The following RAD9A variants were observed in gnomAD, a reference collection of about 807,000 sequenced individuals.
RAD9A encodes the protein RAD9 checkpoint clamp component A.
RAD9A carries 25 observed loss-of-function variants against 41.2 expected under a neutral mutation model. The observed-to-expected ratio is 0.61, with a 90% CI of 0.44 to 0.85. The LOEUF is 0.85. RAD9A is among the 40% of genes least tolerant of loss of function. The pLI, the probability that RAD9A is intolerant of heterozygous loss-of-function variation, is 0.00. For missense variants in RAD9A, 514 were observed against 518.3 expected (o/e 0.99, Z 0.08); for synonymous variants, 252 against 210.6 (o/e 1.20, Z -1.70).
rs772237728 is a variant in RAD9A, at chr11:67,395,952, AGAG to A, written c.606_608del (p.Glu202del). The A allele has an allele frequency of 1.5e-5, 25 of 1,613,970 alleles. No homozygotes were observed. Among genetic ancestry groups the A allele is most frequent in the Non-Finnish European group, 1.9e-5 (23 of 1,180,018 alleles). On this transcript the variant is annotated inframe_deletion, in exon 7 of 11. Transcript: ENST00000307980. ...CCATGGTGACTGAGATGTGCCTTGG[AGAG>A]GAGGATTTCCAGCAGCTGCAGGCCC...
chr11:67,395,405 T>C, intron 5 of RAD9A: 1 of 367,354 alleles, frequency 2.7e-6, no homozygotes. Flanking sequence ...ATTTCATCTG[T>C]ATGTCAATGG....
In RAD9A at chr11:67,398,395, AAAG is replaced by A. The variant is rs560664551; in HGVS notation, c.*839_*841del. The A allele has an allele frequency of 2.5e-4, 220 of 867,422 alleles. No individual in the cohort carries two copies. The African/African-American group carries it at 3.5e-3, about 14-fold the overall frequency. 53.7% of individuals were successfully genotyped at this position (867,422 alleles called of 1,614,324 possible). A position where few individuals can be genotyped will look rare whatever the true frequency, so the allele number is the denominator to read the frequency against. ...GGACGCTGCTATTGATTCATTAAAA[AAAG>A]AAAAGAAAAATACACCAAGGCTCCA... On this transcript the variant is annotated 3_prime_UTR_variant, in exon 11 of 11. Coordinates refer to ENST00000307980, the MANE Select transcript of RAD9A (RefSeq NM_004584.3).
rs1249480860 is a variant in RAD9A, at chr11:67,395,697, T to C, written c.450-19T>C. 7.0e-6 allele frequency: 11 copies of C among 1,564,130 alleles called. No individual in the cohort carries two copies. The highest frequency in any genetic ancestry group is 8.7e-6 in the Non-Finnish European group (10 of 1,150,110). On this transcript the variant is annotated intron_variant, in intron 5 of 10. Coordinates refer to ENST00000307980, the MANE Select transcript of RAD9A (RefSeq NM_004584.3). ...GGGCAGGGCCAGGCATTTCGGGTAA[T>C]GCTCCACCCTGTTCACAGGGTTCTG...
At chr11:67,392,297 C>T (rs1862550396) in intron 2 of RAD9A, 66 bp downstream of exon 2, 5 of 1,331,896 alleles carry the variant, frequency 3.8e-6, no homozygotes, top group South Asian at 2.8e-5. Context: ...GGACTAGAGT[C>T]TCGCCCCCAC....
chr11:67,392,138 C>T (rs775544007), intron 1 of RAD9A, 23 bp from the exon 2 acceptor site: 5 of 1,611,192 alleles, frequency 3.1e-6, no homozygotes, highest in Non-Finnish European at 4.2e-6. Flanking sequence ...CAGCCTAACC[C>T]CCTTCCGCTC....
Position 67,397,056 on chromosome 11 carries a change from G to C in RAD9A, c.873-123G>C, listed in dbSNP as rs533286638. Reference sequence around the variant, plus strand: ...ATCCTCTCCTCTCCAGCCAAATCAGGAAGTCATAAAACCAAGAGATCTCCA... The same window carrying C: ...ATCCTCTCCTCTCCAGCCAAATCAGCAAGTCATAAAACCAAGAGATCTCCA... On this transcript the variant is annotated intron_variant, in intron 9 of 10. Transcript: ENST00000307980. 212 of 669,482 alleles carry C rather than the reference G, an allele frequency of 3.2e-4. 2 individuals are homozygous for C. In the South Asian group the frequency reaches 3.6e-3, roughly 11 times the overall value. 41.5% of individuals were successfully genotyped at this position (669,482 alleles called of 1,614,324 possible). A position where few individuals can be genotyped will look rare whatever the true frequency, so the allele number is the denominator to read the frequency against.
At chr11:67,395,277 T>A (rs1305478797) in intron 5 of RAD9A, 1 of 160,748 alleles carries the variant, frequency 6.2e-6, no homozygotes, top group Non-Finnish European at 1.3e-5. Context: ...TTTTGCATGC[T>A]TCAGTTTTAG....
At position 67,397,320 on chromosome 11, in the gene RAD9A, T is replaced by C. The variant is rs872110; in HGVS notation, c.1014T>C (p.Gly338=). The change falls in exon 10 of 11, where the codon GGT becomes GGC. Residue 338 remains glycine, a synonymous_variant. Coordinates refer to ENST00000307980, the MANE Select transcript of RAD9A (RefSeq NM_004584.3). ...GCCCCCAGCCCCCCAAGAGCCCCGG[T>C]CCCCACTCCGAGGAGGAAGATGAGG... ...SPGPQPPKSP[G]PHSEEEDEAE... 186,338 of 1,537,696 alleles carry C rather than the reference T, an allele frequency of 0.12. 29,473 individuals carry two copies. Among genetic ancestry groups the C allele is most frequent in the African/African-American group, 0.73 (52,341 of 72,006 alleles).
At chr11:67,396,050 C>T (rs1386416983) in intron 7 of RAD9A, 29 bp downstream of exon 7, 1 of 1,613,546 alleles carries the variant, frequency 6.2e-7, no homozygotes, top group Non-Finnish European at 8.5e-7. Flanking sequence ...GCTCGCCGTC[C>T]TGTCCTCCCT....
At chr11:67,392,587 G>T in intron 2 of RAD9A, 67 bp from the exon 3 acceptor site, 1 of 1,590,046 alleles carries the variant, frequency 6.3e-7, no homozygotes. Flanking sequence ...GTGAGCAGAA[G>T]CAGCCAGAGG....
At position 67,398,378 on chromosome 11, in the gene RAD9A, C is replaced by T. The variant is rs757168027; in HGVS notation, c.*819C>T. On this transcript the variant is annotated 3_prime_UTR_variant, in exon 11 of 11. Transcript: ENST00000307980. ...AGCAGCCCTGGGGGACTGGACGCTGCTATTGATTCATTAAAAAAAGAAAAG... is the reference window on the plus strand; with the variant it reads ...AGCAGCCCTGGGGGACTGGACGCTGTTATTGATTCATTAAAAAAAGAAAAG... 106 of 734,924 alleles carry T rather than the reference C, an allele frequency of 1.4e-4. 4 individuals carry two copies. The highest frequency in any genetic ancestry group is 5.8e-4 in the South Asian group (31 of 53,436). The allele number at this position is 734,924 out of a possible 1,614,324, so 45.5% of individuals were successfully genotyped here. A position where few individuals can be genotyped will look rare whatever the true frequency, so the allele number is the denominator to read the frequency against.
chr11:67,398,412 AC>A, downstream of RAD9A: 2 of 960,784 alleles, frequency 2.1e-6, no homozygotes, highest in Non-Finnish European at 3.1e-6. Context: ...AGAAAAATAC[AC>A]CAAGGCTCCA....
chr11:67,395,639 C>A, intron 5 of RAD9A, 77 bp from the exon 6 acceptor site: 2 of 1,147,488 alleles, frequency 1.7e-6, no homozygotes, highest in Non-Finnish European at 1.3e-6. Context: ...GCATGTGTCA[C>A]CCCCACCTCA....
At chr11:67,396,461 G>GCAA (rs1862699643) in intron 9 of RAD9A, 61 bp downstream of exon 9, 33 of 1,570,394 alleles carry the variant, frequency 2.1e-5, no homozygotes, top group Non-Finnish European at 2.7e-5. Context: ...GCCTGAGACT[G>GCAA]CAACTCCTAG....
In RAD9A at chr11:67,395,947, C is replaced by A; in HGVS notation, c.595C>A (p.Leu199Ile). The A allele has an allele frequency of 6.2e-7, 1 of 1,614,176 alleles. No individual in the cohort carries two copies. Among genetic ancestry groups the A allele is most frequent in the South Asian group, 1.1e-5 (1 of 91,086 alleles). The change falls in exon 7 of 11, where the codon CTT (leucine) becomes ATT (isoleucine). Residue 199 changes from leucine (L) to isoleucine (I), a missense_variant. Around this residue, in one of 3 missense-constraint regions of RAD9A, gnomAD observed 268 missense variants for 279.3 expected, o/e 0.96. Transcript: ENST00000307980. ...TAKAMVTEMC[L>I]GEEDFQQLQA... Reference sequence around the variant, plus strand: ...CAAAGCCATGGTGACTGAGATGTGCCTTGGAGAGGAGGATTTCCAGCAGCT... The same window carrying A: ...CAAAGCCATGGTGACTGAGATGTGCATTGGAGAGGAGGATTTCCAGCAGCT...
chr11:67,392,924 A>G (rs1319746104), intron 3 of RAD9A, 142 bp downstream of exon 3: 5 of 1,201,002 alleles, frequency 4.2e-6, no homozygotes, highest in Non-Finnish European at 5.8e-6. Flanking sequence ...AGGGAGGGCC[A>G]TGGTAAAAGC....
At chr11:67,392,253 G>GTTT in intron 2 of RAD9A, 22 bp downstream of exon 2, 3 of 1,507,490 alleles carry the variant, frequency 2.0e-6, no homozygotes, top group Non-Finnish European at 1.8e-6. Flanking sequence ...GGGTGTGGGG[G>GTTT]GCGGGTGGGA....
At chr11:67,395,653 C>A in intron 5 of RAD9A, 63 bp from the exon 6 acceptor site, 1 of 1,311,912 alleles carries the variant, frequency 7.6e-7, no homozygotes, top group Non-Finnish European at 1.1e-6. Context: ...CACCTCAGGT[C>A]CTCCGAGAGC....
At chr11:67,392,820 C>T (rs778122582) in intron 3 of RAD9A, 38 bp downstream of exon 3, 1 of 1,607,244 alleles carries the variant, frequency 6.2e-7, no homozygotes, top group Non-Finnish European at 8.5e-7. Context: ...TACTCCACCC[C>T]AGGAATCTCC....
Sources: allele counts gnomAD v4.1 joint callset, GRCh38; gene constraint gnomAD v4.1.1; regional missense constraint gnomAD v4.1.1; transcripts MANE v1.5; gene names NCBI Gene and HGNC (gene_info 2026-07-23, HGNC 2026-07-21).